Variants in ZNF462 observed in about 807,000 individuals in gnomAD.
ZNF462 encodes zinc finger protein 462, also known as zinc finger PBX1-interacting protein.
ZNF462 carries 10 observed loss-of-function variants against 201.9 expected under a neutral mutation model. That is an observed-to-expected ratio of 0.05 (90% CI 0.03 to 0.08). The LOEUF (loss-of-function observed/expected upper bound fraction) is 0.08. ZNF462 is among the 10% of genes least tolerant of loss of function. ZNF462 has a pLI of 1.00. For synonymous variants in ZNF462, 1,227 were observed against 1,193.3 expected (o/e 1.03, Z -0.58); for missense variants, 2,523 against 3,168.3 (o/e 0.80, Z 4.89).
In ZNF462 at chr9:106,925,382, G is replaced by T. The variant is rs758352488; in HGVS notation, c.1470G>T (p.Gln490His). 2 of 1,614,228 alleles carry T rather than the reference G, an allele frequency of 1.2e-6. No homozygotes were observed. Among genetic ancestry groups the T allele is most frequent in the South Asian group, 2.2e-5 (2 of 91,078 alleles). ...KSSLKLGAHK[Q>H]CHTGTTSDWD... ...CGTTGAAACTTGGGGCTCACAAACA[G>T]TGTCACACGGGTACAACGTCAGATT... Residue 490 changes from glutamine to histidine, a missense_variant, in exon 3 of 13, where the codon CAG (glutamine) becomes CAT (histidine). Transcript: ENST00000277225. This position sits in a 1 kb window ranked among gnomAD's most constrained non-coding sequence, Gnocchi z 7.9.
chr9:106,987,701 A>G (rs1334672501), intron 10 of ZNF462, among the ~76,000 whole-genome samples: 1 of 152,080 alleles, frequency 6.6e-6, no homozygotes, highest in Non-Finnish European at 1.5e-5. Flanking sequence ...TATTTATTGC[A>G]TTTGGTTTTG....
chr9:106,928,015 C>T lies in ZNF462; in HGVS notation c.4103C>T (p.Thr1368Ile), dbSNP rs1324432848. Residue 1368 changes from threonine to isoleucine, a missense_variant, in exon 3 of 13, where the codon ACC (threonine) becomes ATC (isoleucine). Thr to Ile is a moderately conservative substitution (Grantham distance 89, BLOSUM62 -1). Around this residue, in one of 15 missense-constraint regions of ZNF462, gnomAD observed 165 missense variants for 142.6 expected, o/e 1.16. Transcript: ENST00000277225. This position sits in a 1 kb window ranked among gnomAD's most constrained non-coding sequence, Gnocchi z 9.3. ...CTCACAATGCCAGCCGAAGCCAAAACCTACAGATGCAGGGACTGTGTTTTC... is the reference window on the plus strand; with the variant it reads ...CTCACAATGCCAGCCGAAGCCAAAATCTACAGATGCAGGGACTGTGTTTTC... ...PSLTMPAEAK[T>I]YRCRDCVFEA... 2.5e-6 allele frequency: 4 copies of T among 1,614,202 alleles called. No homozygotes were observed. The highest frequency in any genetic ancestry group is 3.4e-6 in the Non-Finnish European group (4 of 1,180,042).
Position 106,892,125 on chromosome 9 carries a change from C to T in ZNF462, c.-31+28770C>T, listed in dbSNP as rs1377595285. ...AGACTAGGTCTAAAATTGGTGGTGG[C>T]CCAAGGTCATTGGTAGAACTAATGG... On this transcript the variant is annotated intron_variant, in intron 1 of 12. Transcript: ENST00000277225. Among the ~76,000 whole-genome samples, 10 of 152,086 alleles carry T rather than the reference C, an allele frequency of 6.6e-5. No homozygotes were observed. In the East Asian group the frequency reaches 1.9e-3, roughly 29 times the overall value.
chr9:106,985,399 G>GA (rs993264019), intron 10 of ZNF462, among the ~76,000 whole-genome samples: 4 of 151,784 alleles, frequency 2.6e-5, no homozygotes, highest in African/African-American at 9.7e-5. Flanking sequence ...GAGGATTTGT[G>GA]AAAAAAAATT....
At chr9:106,868,041 T>C (rs975384340) in intron 1 of ZNF462, among the ~76,000 whole-genome samples, 5 of 150,262 alleles carry the variant, frequency 3.3e-5, no homozygotes, top group Middle Eastern at 3.4e-3. Context: ...AGGGAGACTA[T>C]TTCCATGACT....
intron 10 of ZNF462, among the ~76,000 whole-genome samples, chr9:106,988,044 A>G (rs114651614): frequency 0.026 from 4,001 of 152,234 alleles, 177 homozygotes; most frequent in African/African-American, 0.091. Context: ...TACCAGTACT[A>G]TGCTGTTTTG....
rs544904341 is a variant in ZNF462 at position 107,008,222 on chromosome 9, G to T, written c.7190-1323G>T. ...ATAATCCCTGCTAAGGAATTAATGC[G>T]CAGAGCAGATGGTGCTGTCTCATTT... On this transcript the variant is annotated intron_variant, in intron 11 of 12. Transcript: ENST00000277225. The surrounding 1 kb of genome is among the most constrained non-coding windows in gnomAD (Gnocchi z 4.8). Among the ~76,000 whole-genome samples, 1 of 152,160 alleles carries T rather than the reference G, an allele frequency of 6.6e-6. No homozygotes were observed. Among genetic ancestry groups the T allele is most frequent in the South Asian group, 2.1e-4 (1 of 4,818 alleles).
chr9:106,936,118 G>A (rs1202301972), intron 6 of ZNF462, among the ~76,000 whole-genome samples: 4 of 152,226 alleles, frequency 2.6e-5, no homozygotes, highest in African/African-American at 9.6e-5. Context: ...GTGTCCAGCA[G>A]CTGTGCTGGT....
At chr9:106,995,058 T>C (rs1010910658) in intron 10 of ZNF462, among the ~76,000 whole-genome samples, 2 of 152,126 alleles carry the variant, frequency 1.3e-5, no homozygotes, top group African/African-American at 4.8e-5. Flanking sequence ...TCCATTAGCA[T>C]CTTTTCCCTC....
At chr9:106,948,197 T>C (rs1831190369) in intron 7 of ZNF462, among the ~76,000 whole-genome samples, 1 of 151,896 alleles carries the variant, frequency 6.6e-6, no homozygotes, top group African/African-American at 2.4e-5. Context: ...GCAAAGGATG[T>C]GTGGTGAGGT....
In ZNF462 at chr9:106,929,339, C is replaced by T. The variant is rs137891970; in HGVS notation, c.5427C>T (p.Ala1809=). ...GCAAGTTGGGGGGCTACTTCACGGC[C>T]GTCTATGCAGATGAGCATGAGAAGC... ...HASKLGGYFT[A]VYADEHEKPT... The change falls in exon 3 of 13, where the codon GCC becomes GCT. Residue 1809 remains alanine (A), a synonymous_variant. Coordinates refer to ENST00000277225, the MANE Select transcript of ZNF462 (RefSeq NM_021224.6). This position sits in a 1 kb window ranked among gnomAD's most constrained non-coding sequence, Gnocchi z 8.7. The T allele has an allele frequency of 6.8e-6, 11 of 1,614,074 alleles. No individual in the cohort carries two copies. The highest frequency in any genetic ancestry group is 6.7e-5 in the Admixed American group (4 of 60,024).
chr9:106,867,049 G>A (rs899661672), intron 1 of ZNF462, among the ~76,000 whole-genome samples: 5 of 152,034 alleles, frequency 3.3e-5, no homozygotes, highest in Non-Finnish European at 5.9e-5. Context: ...ATGTGTTGGC[G>A]TCTTAGAGTT....
chr9:107,010,697 A>G lies in ZNF462; in HGVS notation c.7314-126A>G, dbSNP rs1248278320. 3.2e-6 allele frequency: 3 copies of G among 926,886 alleles called. No homozygotes were observed. Among genetic ancestry groups the G allele is most frequent in the African/African-American group, 3.3e-5 (2 of 59,716 alleles). The allele number at this position is 926,886 out of a possible 1,614,324, so 57.4% of individuals were successfully genotyped here. On this transcript the variant is annotated intron_variant, in intron 12 of 12. Coordinates refer to ENST00000277225, the MANE Select transcript of ZNF462 (RefSeq NM_021224.6). This position sits in a 1 kb window ranked among gnomAD's most constrained non-coding sequence, Gnocchi z 4.6. ...TCATACACCCATGGCATTTGTTCAA[A>G]GGAAACCCCAAGGCTTTTTGAGGAT...
chr9:106,932,077 C>T lies in ZNF462; in HGVS notation c.6013-369C>T, dbSNP rs1830448118. Among the ~76,000 whole-genome samples the T allele has an allele frequency of 6.6e-6, 1 of 152,198 alleles. No homozygotes were observed. Among genetic ancestry groups the T allele is most frequent in the South Asian group, 2.1e-4 (1 of 4,822 alleles). ...GGGTATGTTGTCCTAAAATCACCTC[C>T]ACTGCATGAAGAATGGCAGTTGGGC... On this transcript the variant is annotated intron_variant, in intron 4 of 12. Transcript: ENST00000277225. The surrounding 1 kb of genome is among the most constrained non-coding windows in gnomAD (Gnocchi z 6.8).
At chr9:106,998,045 T>C (rs1208173438) in intron 10 of ZNF462, among the ~76,000 whole-genome samples, 1 of 152,144 alleles carries the variant, frequency 6.6e-6, no homozygotes, top group East Asian at 1.9e-4. Context: ...CCTAAAAATA[T>C]TTACTTATCT....
Position 107,003,415 on chromosome 9 carries a change from C to A in ZNF462, c.7178C>A (p.Ala2393Asp), listed in dbSNP as rs202226333. Residue 2393 changes from alanine to aspartate, a missense_variant, in exon 11 of 13, where the codon GCT (alanine) becomes GAT (aspartate). Physicochemically the swap from Ala to Asp is moderately radical, Grantham distance 126. Coordinates refer to ENST00000277225, the MANE Select transcript of ZNF462 (RefSeq NM_021224.6). The surrounding 1 kb of genome is among the most constrained non-coding windows in gnomAD (Gnocchi z 4.4). ...AAGGAAGAAGAAATGAACAGCAAGG[C>A]TGAAGACAGAGGTTAGTCTCATCCT... ...EDKEEEMNSKAEDRELMRFSD... is the reference protein window; with the variant it reads ...EDKEEEMNSKDEDRELMRFSD... 13 of 1,613,568 alleles carry A rather than the reference C, an allele frequency of 8.1e-6. No homozygotes were observed. The African/African-American group carries it at 1.7e-4, about 22-fold the overall frequency.
At chr9:106,875,949 C>T (rs562458440) in intron 1 of ZNF462, among the ~76,000 whole-genome samples, 49 of 152,274 alleles carry the variant, frequency 3.2e-4, no homozygotes, top group Middle Eastern at 3.4e-3. Context: ...TATCTCTATA[C>T]ATAGAGAAAG....
At chr9:107,000,391 G>A (rs1829096102) in intron 10 of ZNF462, among the ~76,000 whole-genome samples, 1 of 152,032 alleles carries the variant, frequency 6.6e-6, no homozygotes, top group South Asian at 2.1e-4. Context: ...AGGGACAAGA[G>A]TAGGTGCTAG....
intron 7 of ZNF462, among the ~76,000 whole-genome samples, chr9:106,942,929 T>C (rs919772713): frequency 7.1e-6 from 1 of 140,386 alleles, no homozygotes; most frequent in South Asian, 2.1e-4. Context: ...CATCTATCTA[T>C]GCAGTTATGC....
Sources: allele counts gnomAD v4.1 joint callset (sites outside exome capture counted in the v4.1 genomes callset), GRCh38; gene constraint gnomAD v4.1.1; regional missense constraint gnomAD v4.1.1; non-coding constraint Gnocchi (gnomAD v3.1); transcripts MANE v1.5; gene names NCBI Gene and HGNC (gene_info 2026-07-23, HGNC 2026-07-21).